Variants in ACYP2 observed in about 807,000 individuals in gnomAD.
The protein encoded by ACYP2 is acylphosphatase-2.
In ACYP2, 12 loss-of-function variants were observed where a neutral mutation model predicts 11.2. The observed-to-expected ratio is 1.08, with a 90% CI of 0.69 to 1.74. ACYP2 has a LOEUF of 1.74. ACYP2 is among the 40% of genes most tolerant of loss of function. The pLI is 0.00. For missense variants in ACYP2, 134 were observed against 101.9 expected (o/e 1.31, Z -1.35); for synonymous variants, 43 against 32.2 (o/e 1.33, Z -1.13).
rs1679217366 is a variant in ACYP2 at position 54,107,286 on chromosome 2, T to A, written c.278-28167T>A. ...ATAAGCATGATGTGACTAATTTGCATAATACAGGCTACCTAAGCCTTTATT... is the reference window on the plus strand; with the variant it reads ...ATAAGCATGATGTGACTAATTTGCAAAATACAGGCTACCTAAGCCTTTATT... On this transcript the variant is annotated intron_variant, in intron 4 of 6. Coordinates refer to ENST00000607452, the MANE Select transcript of ACYP2 (RefSeq NM_001320586.2). Among the ~76,000 whole-genome samples the A allele has an allele frequency of 3.3e-5, 5 of 152,244 alleles. No homozygotes were observed. The South Asian group carries it at 1.0e-3, about 31-fold the overall frequency.
chr2:54,054,998 T>C (rs1037621256), intron 3 of ACYP2, among the ~76,000 whole-genome samples: 3 of 152,186 alleles, frequency 2.0e-5, no homozygotes, highest in African/African-American at 7.2e-5. Flanking sequence ...CTTTTCCTCA[T>C]ATAAAAAAGA....
intron 2 of ACYP2, among the ~76,000 whole-genome samples, chr2:53,978,391 C>CAAATCATG (rs1212297290): frequency 3.9e-5 from 6 of 152,000 alleles, no homozygotes; most frequent in Non-Finnish European, 8.8e-5. Context: ...ATTAATGATA[C>CAAATCATG]CTGTCCACCA....
intron 4 of ACYP2, among the ~76,000 whole-genome samples, chr2:54,104,997 T>C (rs552414072): frequency 6.6e-6 from 1 of 152,350 alleles, no homozygotes; most frequent in Non-Finnish European, 1.5e-5. Context: ...GCCTACACAA[T>C]TGTTAGCAAA....
chr2:54,137,634 G>T (rs772512526), intron 5 of ACYP2, among the ~76,000 whole-genome samples: 3 of 152,010 alleles, frequency 2.0e-5, no homozygotes, highest in Non-Finnish European at 4.4e-5. Context: ...ATGGCTGCAT[G>T]GTATTCCATG....
chr2:54,210,760 A>T (rs1200997535), intron 6 of ACYP2, among the ~76,000 whole-genome samples: 2 of 152,034 alleles, frequency 1.3e-5, no homozygotes, highest in Non-Finnish European at 2.9e-5. Context: ...TCTGCCAGTG[A>T]ATAGTCTTGG....
chr2:54,301,747 T>A (rs1689735371), intron 6 of ACYP2, among the ~76,000 whole-genome samples: 2 of 152,208 alleles, frequency 1.3e-5, no homozygotes, highest in South Asian at 4.1e-4. Flanking sequence ...ATTTTGTGAC[T>A]ATTTTTTTGC....
intron 4 of ACYP2, among the ~76,000 whole-genome samples, chr2:54,123,978 A>G (rs1182393793): frequency 1.3e-5 from 2 of 152,188 alleles, no homozygotes; most frequent in Non-Finnish European, 2.9e-5. Flanking sequence ...GAAGAATGGG[A>G]GAATGGATTT....
intron 4 of ACYP2, among the ~76,000 whole-genome samples, chr2:54,082,013 G>C (rs1677682266): frequency 6.6e-6 from 1 of 152,168 alleles, no homozygotes; most frequent in Non-Finnish European, 1.5e-5. Flanking sequence ...TCAAGTCTCA[G>C]TTTGCTCCAT....
chr2:54,296,135 C>T (rs1689513096), intron 6 of ACYP2, among the ~76,000 whole-genome samples: 1 of 152,172 alleles, frequency 6.6e-6, no homozygotes, highest in Non-Finnish European at 1.5e-5. Context: ...ATCACATAAA[C>T]ATAGCAATTA....
chr2:54,226,230 T>C (rs1321121127), intron 6 of ACYP2, among the ~76,000 whole-genome samples: 1 of 152,074 alleles, frequency 6.6e-6, no homozygotes, highest in Non-Finnish European at 1.5e-5. Context: ...TATTCAAAAT[T>C]GAAAACAAAA....
At position 54,114,380 on chromosome 2, in the gene ACYP2, C is replaced by CAAA. The variant is rs58390248; in HGVS notation, c.278-21054_278-21052dup. ...TGTTGCTGAGAATAATCAAGACAATCAAAAAAAAAAAAAAAAAAAAAGGTC... is the reference window on the plus strand; with the variant it reads ...TGTTGCTGAGAATAATCAAGACAATCAAAAAAAAAAAAAAAAAAAAAAAAGGTC... On this transcript the variant is annotated intron_variant, in intron 4 of 6. Transcript: ENST00000607452. Among the ~76,000 whole-genome samples the CAAA allele has an allele frequency of 5.4e-3, 561 of 104,346 alleles. 7 individuals are homozygous for CAAA. The highest frequency in any genetic ancestry group is 0.019 in the African/African-American group (535 of 27,586). 68.5% of individuals were successfully genotyped at this position (104,346 alleles called of 152,430 possible).
intron 2 of ACYP2, among the ~76,000 whole-genome samples, chr2:53,979,830 A>C (rs1175771021): frequency 6.6e-6 from 1 of 151,454 alleles, no homozygotes; most frequent in Non-Finnish European, 1.5e-5. Context: ...AGTAGCTGGG[A>C]TTAGAGGCTT....
intron 6 of ACYP2, among the ~76,000 whole-genome samples, chr2:54,292,536 T>C (rs192758555): frequency 6.6e-6 from 1 of 152,310 alleles, no homozygotes; most frequent in African/African-American, 2.4e-5. Context: ...AATGTGACTC[T>C]TAGAAAATTT....
chr2:54,252,769 T>C (rs1366265187), intron 6 of ACYP2, among the ~76,000 whole-genome samples: 2 of 152,092 alleles, frequency 1.3e-5, no homozygotes, highest in African/African-American at 2.4e-5. Flanking sequence ...CCGGGCGTGG[T>C]TGCGGGCACC....
At chr2:54,054,464 C>G (rs963566843) in intron 3 of ACYP2, among the ~76,000 whole-genome samples, 2 of 152,150 alleles carry the variant, frequency 1.3e-5, no homozygotes, top group African/African-American at 2.4e-5. Context: ...ACAGATTGAT[C>G]TTGTTTTGAT....
chr2:54,118,138 A>G (rs946237982), intron 4 of ACYP2, among the ~76,000 whole-genome samples: 1 of 152,218 alleles, frequency 6.6e-6, no homozygotes, highest in Admixed American at 6.5e-5. Flanking sequence ...AGGAAGGAAT[A>G]TATGTGGAAG....
At chr2:54,251,529 C>G (rs1687224687) in intron 6 of ACYP2, among the ~76,000 whole-genome samples, 1 of 152,132 alleles carries the variant, frequency 6.6e-6, no homozygotes, top group Admixed American at 6.5e-5. Context: ...CAAAACATCA[C>G]CAGCGCTTCA....
chr2:54,299,320 A>G (rs1188193509), intron 6 of ACYP2, among the ~76,000 whole-genome samples: 2 of 152,094 alleles, frequency 1.3e-5, no homozygotes, highest in Admixed American at 1.3e-4. Context: ...CTGGCCGGGC[A>G]CGGTGGCTCA....
At chr2:54,266,742 A>G (rs1688046927) in intron 6 of ACYP2, among the ~76,000 whole-genome samples, 1 of 151,384 alleles carries the variant, frequency 6.6e-6, no homozygotes, top group African/African-American at 2.4e-5. Context: ...AGTAGCTGGT[A>G]CTACAGGCTC....
Sources: allele counts gnomAD v4.1 joint callset (sites outside exome capture counted in the v4.1 genomes callset), GRCh38; gene constraint gnomAD v4.1.1; transcripts MANE v1.5; gene names NCBI Gene and HGNC (gene_info 2026-07-23, HGNC 2026-07-21).